The following FBXW7 variants were observed in gnomAD, a reference collection of about 807,000 sequenced individuals.
FBXW7 encodes F-box/WD repeat-containing protein 7.
In FBXW7, 11 loss-of-function variants were observed where a neutral mutation model predicts 86.3. That is an observed-to-expected ratio of 0.13 (90% CI 0.08 to 0.21). The LOEUF is 0.21. Ranked by LOEUF, FBXW7 falls within the 10% of genes least tolerant of loss-of-function variation. The pLI is 1.00. For missense variants in FBXW7, 488 were observed against 847.4 expected (o/e 0.58, Z 5.27); for synonymous variants, 313 against 297.9 (o/e 1.05, Z -0.52).
intron 4 of FBXW7, among the ~76,000 whole-genome samples, chr4:152,404,065 G>T (rs1454873737): frequency 1.3e-5 from 2 of 152,170 alleles, no homozygotes; most frequent in Admixed American, 1.3e-4. Flanking sequence ...CTAGAGATGT[G>T]AAGAATCAGT....
intron 2 of FBXW7, among the ~76,000 whole-genome samples, chr4:152,476,432 TAAGAC>T (rs1286776254): frequency 2.0e-5 from 3 of 152,118 alleles, no homozygotes; most frequent in Non-Finnish European, 4.4e-5. Context: ...AAAAAGTTCC[TAAGAC>T]AATTCATAAG....
chr4:152,355,933 C>T (rs1033617062), intron 4 of FBXW7, among the ~76,000 whole-genome samples: 1 of 152,040 alleles, frequency 6.6e-6, no homozygotes, highest in African/African-American at 2.4e-5. Flanking sequence ...TTTAGAAGGG[C>T]AAGTTGTGGT....
intron 4 of FBXW7, among the ~76,000 whole-genome samples, chr4:152,408,592 AGTT>A (rs1373957938): frequency 6.6e-6 from 1 of 152,222 alleles, no homozygotes; most frequent in Non-Finnish European, 1.5e-5. Context: ...AAAGAAAAGT[AGTT>A]AACTGAGCCC....
At chr4:152,445,114 C>A (rs1741251012) in intron 2 of FBXW7, among the ~76,000 whole-genome samples, 2 of 152,194 alleles carry the variant, frequency 1.3e-5, no homozygotes, top group South Asian at 4.1e-4. Context: ...ATGTGAGCCA[C>A]CGTGCCCAGC....
At chr4:152,463,919 A>G (rs532109861) in intron 2 of FBXW7, among the ~76,000 whole-genome samples, 2 of 152,368 alleles carry the variant, frequency 1.3e-5, no homozygotes, top group Non-Finnish European at 2.9e-5. Context: ...GAGAGAGGAG[A>G]AAAACCATTA....
intron 7 of FBXW7, 49 bp from the exon 8 acceptor site, chr4:152,332,768 T>A: frequency 4.7e-6 from 4 of 852,696 alleles, no homozygotes; most frequent in Non-Finnish European, 6.1e-6. Context: ...TAAATATATA[T>A]ATTATATAAT....
At chr4:152,442,460 T>C (rs17028899) in intron 2 of FBXW7, among the ~76,000 whole-genome samples, 21,497 of 152,226 alleles carry the variant, frequency 0.14, 2,046 homozygotes, top group African/African-American at 0.27. Context: ...TTCTATTCCA[T>C]ACCTATGTTC....
At chr4:152,430,803 TCTAA>T (rs1284479282) in intron 2 of FBXW7, among the ~76,000 whole-genome samples, 6 of 152,314 alleles carry the variant, frequency 3.9e-5, no homozygotes, top group South Asian at 4.1e-4. Context: ...CTTGCAAAGG[TCTAA>T]CTAAGATGGA....
chr4:152,509,344 C>A (rs746140355), intron 2 of FBXW7, among the ~76,000 whole-genome samples: 11 of 152,018 alleles, frequency 7.2e-5, no homozygotes, highest in Non-Finnish European at 1.2e-4. Flanking sequence ...ACCCTTTATA[C>A]TATTTTTGCC....
In FBXW7 at chr4:152,332,390, T is replaced by C. The variant is rs1025182222; in HGVS notation, c.985+206A>G. Among the ~76,000 whole-genome samples the C allele has an allele frequency of 4.6e-5, 7 of 152,180 alleles. No homozygotes were observed. In the South Asian group the frequency reaches 1.2e-3, roughly 27 times the overall value. ...CATTGTTTATTAATTCTACTAGTGATAGGAAGCAAATCAGATATATTTGCT... is the reference window on the plus strand; with the variant it reads ...CATTGTTTATTAATTCTACTAGTGACAGGAAGCAAATCAGATATATTTGCT... On this transcript the variant is annotated intron_variant, in intron 8 of 13. Transcript: ENST00000281708.
Position 152,411,337 on chromosome 4 carries a change from T to A in FBXW7, c.467A>T (p.Gln156Leu), listed in dbSNP as rs2126876540. 6.2e-7 allele frequency: 1 copy of A among 1,612,062 alleles called. No homozygotes were observed. The highest frequency in any genetic ancestry group is 8.5e-7 in the Non-Finnish European group (1 of 1,179,034). Residue 156 changes from glutamine (Q) to leucine (L), a missense_variant, in exon 4 of 14, where the codon CAA becomes CTA. This residue lies in a region of FBXW7 where 230 missense variants were observed against 240.0 expected (regional missense o/e 0.96). Coordinates refer to ENST00000281708, the MANE Select transcript of FBXW7 (RefSeq NM_001349798.2). ...TTTTGTATAGAATGGGGAGGAGAGT[T>A]GGTGAACGGGCAGGTCCACAATACT... ...SSSIVDLPVH[Q>L]LSSPFYTKTT...
chr4:152,459,800 A>G (rs767522026), intron 2 of FBXW7, among the ~76,000 whole-genome samples: 5 of 152,250 alleles, frequency 3.3e-5, no homozygotes, highest in Non-Finnish European at 7.3e-5. Context: ...TAATAAAGTT[A>G]TATGAATGTG....
At chr4:152,497,060 C>T (rs763631747) in intron 2 of FBXW7, among the ~76,000 whole-genome samples, 9 of 152,126 alleles carry the variant, frequency 5.9e-5, no homozygotes, top group African/African-American at 1.2e-4. Context: ...CAATGGCTCA[C>T]GCCTGTCATC....
At chr4:152,443,099 C>A (rs1205480626) in intron 2 of FBXW7, among the ~76,000 whole-genome samples, 1 of 151,998 alleles carries the variant, frequency 6.6e-6, no homozygotes, top group Non-Finnish European at 1.5e-5. Flanking sequence ...CCTGTCTCTA[C>A]TAAAAATACA....
intron 4 of FBXW7, among the ~76,000 whole-genome samples, chr4:152,359,286 T>C (rs926527860): frequency 6.6e-6 from 1 of 152,014 alleles, no homozygotes; most frequent in East Asian, 1.9e-4. Context: ...TCCCACAAGA[T>C]ACTTAAAATC....
At position 152,328,223 on chromosome 4, in the gene FBXW7, T is replaced by C. The variant is rs1390272734; in HGVS notation, c.1403A>G (p.His468Arg). Reference sequence around the variant, plus strand: ...TTTCCCTTACCTTTTTTCATGAAGATGCATACAACGCACAGTGGAAGTATG... The same window carrying C: ...TTTCCCTTACCTTTTTTCATGAAGACGCATACAACGCACAGTGGAAGTATG... ...YGHTSTVRCM[H>R]LHEKRVVSGS... The change falls in exon 11 of 14, where the codon CAT becomes CGT. Residue 468 changes from histidine to arginine, a missense_variant. Transcript: ENST00000281708. The C allele has an allele frequency of 1.3e-6, 2 of 1,588,976 alleles. No individual in the cohort carries two copies. Among genetic ancestry groups the C allele is most frequent in the Non-Finnish European group, 1.7e-6 (2 of 1,170,232 alleles).
At chr4:152,533,677 T>A (rs1420728258) in intron 2 of FBXW7, among the ~76,000 whole-genome samples, 1 of 152,174 alleles carries the variant, frequency 6.6e-6, no homozygotes, top group Non-Finnish European at 1.5e-5. Context: ...TGATAATTCT[T>A]GAAACACAAA....
intron 8 of FBXW7, among the ~76,000 whole-genome samples, chr4:152,331,356 C>T (rs1416709749): frequency 1.3e-5 from 2 of 151,904 alleles, no homozygotes; most frequent in Non-Finnish European, 2.9e-5. Flanking sequence ...GATGGATAAA[C>T]AAAATGTAGC....
At chr4:152,519,308 A>C (rs917810162) in intron 2 of FBXW7, among the ~76,000 whole-genome samples, 1 of 151,950 alleles carries the variant, frequency 6.6e-6, no homozygotes, top group Non-Finnish European at 1.5e-5. Context: ...AAAAATAAAT[A>C]AATAAATAAA....
Sources: allele counts gnomAD v4.1 joint callset (sites outside exome capture counted in the v4.1 genomes callset), GRCh38; gene constraint gnomAD v4.1.1; regional missense constraint gnomAD v4.1.1; transcripts MANE v1.5; gene names NCBI Gene and HGNC (gene_info 2026-07-23, HGNC 2026-07-21).